The following CATSPERB variants were observed in gnomAD, a reference collection of about 807,000 sequenced individuals.
CATSPERB encodes the protein cation channel sperm-associated auxiliary subunit beta.
A neutral mutation model predicts 128.3 loss-of-function variants in CATSPERB; 93 were observed. That is an observed-to-expected ratio of 0.72 (90% confidence interval 0.61 to 0.86). CATSPERB has a LOEUF of 0.86. Ranked by LOEUF, CATSPERB falls within the 40% of genes least tolerant of loss-of-function variation. The probability of loss-of-function intolerance (pLI) is 0.00; values close to 1 mark genes in which losing one functional copy is unlikely to be tolerated. For missense variants in CATSPERB, 1,153 were observed against 1,329.5 expected, an observed-to-expected ratio of 0.87 and a Z score of 2.06; for synonymous variants, 381 against 448.8, an observed-to-expected ratio of 0.85 and a Z score of 1.91.
At chr14:91,677,085 A>G (rs1278642119) in intron 11 of CATSPERB, among the ~76,000 whole-genome samples, 1 of 152,236 alleles carries the variant, frequency 6.6e-6, no homozygotes, top group Admixed American at 6.5e-5. Flanking sequence ...AGATGGATTA[A>G]ACACTTAAAT....
At chr14:91,603,990 C>G (rs1474416477) in intron 22 of CATSPERB, among the ~76,000 whole-genome samples, 1 of 141,252 alleles carries the variant, frequency 7.1e-6, no homozygotes, top group South Asian at 2.5e-4. Flanking sequence ...GTCTCTCTCT[C>G]CCTCCCTCCC....
At chr14:91,581,980 C>T (rs1168231319) in intron 26 of CATSPERB, among the ~76,000 whole-genome samples, 1 of 152,192 alleles carries the variant, frequency 6.6e-6, no homozygotes, top group African/African-American at 2.4e-5. Flanking sequence ...CCACCATCCT[C>T]CCAGTGACCC....
chr14:91,673,754 G>A (rs183045631), intron 12 of CATSPERB, among the ~76,000 whole-genome samples: 26 of 152,088 alleles, frequency 1.7e-4, no homozygotes, highest in African/African-American at 4.8e-4. Context: ...ATGGTGGAGC[G>A]TGCCTGTAGT....
intron 5 of CATSPERB, among the ~76,000 whole-genome samples, chr14:91,715,808 A>C (rs1427958219): frequency 2.0e-5 from 3 of 152,170 alleles, no homozygotes; most frequent in African/African-American, 7.2e-5. Context: ...TATTGGTGAA[A>C]GGATACAGTC....
At chr14:91,700,804 T>C (rs982938858) in intron 7 of CATSPERB, among the ~76,000 whole-genome samples, 4 of 151,962 alleles carry the variant, frequency 2.6e-5, no homozygotes, top group Admixed American at 6.6e-5. Flanking sequence ...CAATAGACAC[T>C]GGGGACTACT....
At chr14:91,669,703 A>T in intron 14 of CATSPERB, 111 bp downstream of exon 14, 2 of 1,023,190 alleles carry the variant, frequency 2.0e-6, no homozygotes, top group Non-Finnish European at 1.4e-6. Context: ...CTTCCCTCCC[A>T]CTGCCATCTC....
intron 11 of CATSPERB, among the ~76,000 whole-genome samples, chr14:91,683,143 T>C (rs1247420555): frequency 6.6e-6 from 1 of 152,238 alleles, no homozygotes; most frequent in Non-Finnish European, 1.5e-5. Flanking sequence ...ATTGCTATTA[T>C]ATACTCTGCA....
Position 91,589,563 on chromosome 14 carries a change from T to A in CATSPERB, c.2927A>T (p.Glu976Val). 1 of 1,613,800 alleles carries A rather than the reference T, an allele frequency of 6.2e-7. No individual in the cohort carries two copies. The highest frequency in any genetic ancestry group is 8.5e-7 in the Non-Finnish European group (1 of 1,179,790). ...LQSPYLVTVT[E>V]VNMRHNWKLK... The stretch of plus-strand genomic sequence containing the variant: ...TTTCCAGTTGTGCCTCATGTTCACT[T>A]CAGTCACAGTAACCAGATATGGAGA... Residue 976 changes from glutamate to valine, a missense_variant, in exon 24 of 27, where the codon GAA (glutamate) becomes GTA (valine). Transcript: ENST00000256343.
intron 14 of CATSPERB, among the ~76,000 whole-genome samples, chr14:91,664,859 T>G (rs1894951564): frequency 6.6e-6 from 1 of 152,178 alleles, no homozygotes; most frequent in Non-Finnish European, 1.5e-5. Context: ...ATTCTGACTA[T>G]TTATTGTCCA....
At chr14:91,606,170 C>T (rs899272510) in intron 22 of CATSPERB, among the ~76,000 whole-genome samples, 5 of 151,732 alleles carry the variant, frequency 3.3e-5, no homozygotes, top group African/African-American at 9.7e-5. Context: ...AGCAAGACTC[C>T]GTCTCAAACA....
chr14:91,625,153 A>G lies in CATSPERB; in HGVS notation c.1743-146T>C, dbSNP rs578205434. 1.1e-4 allele frequency: 59 copies of G among 555,392 alleles called. No homozygotes were observed. The East Asian group carries it at 1.8e-3, about 17-fold the overall frequency. The allele number at this position is 555,392 out of a possible 1,614,324, so 34.4% of individuals were successfully genotyped here. ...ATTTGTTCAACCCCATTAGTAATCA[A>G]TGAAATGGCAATTATAACAATGGGA... is the stretch of plus-strand genomic sequence containing the variant. On this transcript the variant is annotated intron_variant, in intron 17 of 26. Transcript: ENST00000256343.
chr14:91,636,220 G>A (rs564195388), intron 17 of CATSPERB: 18 of 493,480 alleles, frequency 3.6e-5, no homozygotes, highest in South Asian at 2.4e-4. Context: ...AAACTTAGCC[G>A]GGCTTGGTGG....
At position 91,704,624 on chromosome 14, in the gene CATSPERB, G is replaced by A. The variant is rs1161755393; in HGVS notation, c.544C>T (p.Leu182Phe). The A allele has an allele frequency of 6.2e-7, 1 of 1,613,446 alleles. No homozygotes were observed. The highest frequency in any genetic ancestry group is 1.1e-5 in the South Asian group (1 of 91,002). ...ISKLYPHVVD[L>F]KVTKCPCAND... ...GCACAGGGGCATTTTGTCACTTTGA[G>A]ATCTACCACATGTGGATATAATTTA... Residue 182 changes from leucine to phenylalanine, a missense_variant, in exon 7 of 27, where the codon CTC becomes TTC. Coordinates refer to ENST00000256343, the MANE Select transcript of CATSPERB (RefSeq NM_024764.4).
intron 15 of CATSPERB, among the ~76,000 whole-genome samples, chr14:91,639,901 T>C (rs1894460641): frequency 7.2e-6 from 1 of 138,192 alleles, no homozygotes; most frequent in Admixed American, 7.3e-5. Context: ...CTCTCCTAGC[T>C]CATTCTACAC....
At chr14:91,616,811 G>C (rs1273681818) in intron 20 of CATSPERB, among the ~76,000 whole-genome samples, 1 of 133,356 alleles carries the variant, frequency 7.5e-6, no homozygotes, top group Admixed American at 9.2e-5. Context: ...GCACGATCTC[G>C]GTTCACTGCA....
chr14:91,673,473 C>T (rs1303606089), intron 12 of CATSPERB, among the ~76,000 whole-genome samples: 1 of 152,196 alleles, frequency 6.6e-6, no homozygotes, highest in Non-Finnish European at 1.5e-5. Context: ...GACTCAGTGA[C>T]TGGCAGTCTA....
chr14:91,723,145 T>C lies in CATSPERB; in HGVS notation c.213A>G (p.Lys71=). 6 of 1,524,368 alleles carry C rather than the reference T, an allele frequency of 3.9e-6. No homozygotes were observed. Among genetic ancestry groups the C allele is most frequent in the Non-Finnish European group, 5.3e-6 (6 of 1,136,020 alleles). The allele number at this position is 1,524,368 out of a possible 1,614,324, so 94.4% of individuals were successfully genotyped here. A position where few individuals can be genotyped will look rare whatever the true frequency, so the allele number is the denominator to read the frequency against. ...CTGATGTGAACACACTTAGCATTGCTTTTGATGCAATTTCATTTTCAGTTT... is the reference window on the plus strand; with the variant it reads ...CTGATGTGAACACACTTAGCATTGCCTTTGATGCAATTTCATTTTCAGTTT... The part of the protein sequence containing the change: ...FFQTENEIAS[K]AMLSVFTSGG... The change falls in exon 4 of 27, where the codon AAA becomes AAG. Residue 71 remains lysine (K), a synonymous_variant. Transcript: ENST00000256343.
intron 2 of CATSPERB, among the ~76,000 whole-genome samples, chr14:91,726,110 T>C (rs774766617): frequency 2.0e-5 from 3 of 152,148 alleles, no homozygotes; most frequent in Non-Finnish European, 4.4e-5. Context: ...CCTCAGGCCA[T>C]TCAGTAAAAC....
chr14:91,717,843 A>G (rs1895968383), intron 5 of CATSPERB, among the ~76,000 whole-genome samples: 1 of 152,104 alleles, frequency 6.6e-6, no homozygotes, highest in Non-Finnish European at 1.5e-5. Flanking sequence ...ACCTCTGAAC[A>G]TTTTTCCCCT....
Sources: gnomAD v4.1 joint callset for allele counts (sites outside exome capture counted in the v4.1 genomes callset) on GRCh38, gnomAD v4.1.1 for gene constraint, MANE v1.5 for transcripts, NCBI Gene and HGNC (gene_info 2026-07-23, HGNC 2026-07-21) for gene names.